LAMB4: variants seen among roughly 807,000 people sequenced by gnomAD.
LAMB4 encodes laminin subunit beta-4.
Under a neutral mutation model 199.2 loss-of-function variants are expected in LAMB4, and 196 were observed. The ratio of observed to expected loss-of-function variants is 0.98; its 90% CI spans 0.88 to 1.11. The LOEUF (loss-of-function observed/expected upper bound fraction) is 1.11. Ranked by LOEUF, LAMB4 falls within the 50% of genes least tolerant of loss-of-function variation. LAMB4 has a pLI of 0.00. For missense variants in LAMB4, 2,080 were observed against 2,171.2 expected (o/e 0.96, Z 0.83); for synonymous variants, 744 against 770.6 (o/e 0.97, Z 0.57).
At chr7:108,033,487 T>C (rs1033730685) in intron 31 of LAMB4, among the ~76,000 whole-genome samples, 5 of 152,186 alleles carry the variant, frequency 3.3e-5, no homozygotes, top group African/African-American at 1.2e-4. Flanking sequence ...CTCGGCTCAC[T>C]GCAACCTCCG....
intron 10 of LAMB4, among the ~76,000 whole-genome samples, chr7:108,100,797 A>G (rs2037788554): frequency 6.6e-6 from 1 of 152,222 alleles, no homozygotes; most frequent in South Asian, 2.1e-4. Flanking sequence ...ATGTGTGTGC[A>G]TGATTACAGA....
In LAMB4 at chr7:108,105,981, G is replaced by C. The variant is rs770175662; in HGVS notation, c.706C>G (p.Leu236Val). 6.2e-7 allele frequency: 1 copy of C among 1,614,216 alleles called. No individual in the cohort carries two copies. Among genetic ancestry groups the C allele is most frequent in the South Asian group, 1.1e-5 (1 of 91,084 alleles). Residue 236 changes from leucine to valine, a missense_variant, in exon 8 of 34, where the codon CTT becomes GTT. By Grantham distance (32) the Leu-to-Val change is conservative (BLOSUM62 1). Transcript: ENST00000388781. ...LRINFTKLHT[L>V]GDALLGRRQN... ...CTCCTTCCAAGCAAAGCATCCCCAA[G>C]GGTGTGGAGCTTGGTAAAGTTTATC... is the stretch of plus-strand genomic sequence containing the variant.
At chr7:108,092,214 A>T in intron 13 of LAMB4, 123 bp downstream of exon 13, 1 of 705,574 alleles carries the variant, frequency 1.4e-6, no homozygotes, top group Non-Finnish European at 2.5e-6. Context: ...GGCTGTAGTT[A>T]ATGTCTCAAG....
At chr7:108,089,108 T>C (rs531637791) in intron 14 of LAMB4, among the ~76,000 whole-genome samples, 2 of 152,298 alleles carry the variant, frequency 1.3e-5, no homozygotes, top group South Asian at 4.1e-4. Context: ...CTACACTTTT[T>C]TTTATAGCAG....
intron 30 of LAMB4, among the ~76,000 whole-genome samples, 176 bp downstream of exon 30, chr7:108,037,212 C>T (rs983203003): frequency 2.0e-5 from 3 of 152,076 alleles, no homozygotes; most frequent in Admixed American, 6.6e-5. Flanking sequence ...ACCCTGTCAC[C>T]GAGTCACTCA....
chr7:108,130,061 G>T (rs775502178), intron 1 of LAMB4, among the ~76,000 whole-genome samples: 7 of 152,132 alleles, frequency 4.6e-5, no homozygotes, highest in Non-Finnish European at 7.3e-5. Context: ...GTACAGTAAG[G>T]CTCAAGTTGT....
At chr7:108,101,979 C>T (rs1479134262) in intron 10 of LAMB4, among the ~76,000 whole-genome samples, 2 of 152,100 alleles carry the variant, frequency 1.3e-5, no homozygotes, top group Non-Finnish European at 2.9e-5. Context: ...GAAGCAGAGC[C>T]CCAGGAACTC....
chr7:108,045,471 A>G (rs1242161615), intron 28 of LAMB4, among the ~76,000 whole-genome samples: 2 of 152,174 alleles, frequency 1.3e-5, no homozygotes, highest in South Asian at 2.1e-4. Context: ...ATCCCCTCTC[A>G]TCGTTTTCCA....
chr7:108,053,323 A>ATGACACC (rs1474569986), intron 25 of LAMB4, among the ~76,000 whole-genome samples: 5 of 152,218 alleles, frequency 3.3e-5, no homozygotes, highest in Non-Finnish European at 7.3e-5. Flanking sequence ...ATTTATGCTC[A>ATGACACC]TGACACCTGG....
chr7:108,029,432 G>A lies in LAMB4; in HGVS notation c.4993-236C>T, dbSNP rs2034953327. On this transcript the variant is annotated intron_variant, in intron 32 of 33. Transcript: ENST00000388781. ...AACTTCTTTGTTCAAAATAGCAATTGTTATTGCATGTTAAGGCAACTATGT... is the reference window on the plus strand; with the variant it reads ...AACTTCTTTGTTCAAAATAGCAATTATTATTGCATGTTAAGGCAACTATGT... Among the ~76,000 whole-genome samples, 5 of 152,140 alleles carry A rather than the reference G, an allele frequency of 3.3e-5. No homozygotes were observed. In the South Asian group the frequency reaches 1.0e-3, roughly 31 times the overall value.
intron 8 of LAMB4, among the ~76,000 whole-genome samples, chr7:108,105,310 T>C (rs1166115165): frequency 2.0e-5 from 3 of 152,194 alleles, no homozygotes; most frequent in Admixed American, 6.5e-5. Context: ...GCTATTTGGA[T>C]TGAACATTTT....
intron 17 of LAMB4, among the ~76,000 whole-genome samples, chr7:108,075,358 G>A (rs1291087016): frequency 6.6e-6 from 1 of 152,102 alleles, no homozygotes; most frequent in Non-Finnish European, 1.5e-5. Flanking sequence ...GATTATGGTT[G>A]CCAGATGAAA....
At chr7:108,083,022 C>T (rs1442493026) in intron 14 of LAMB4, among the ~76,000 whole-genome samples, 1 of 152,176 alleles carries the variant, frequency 6.6e-6, no homozygotes, top group East Asian at 1.9e-4. Context: ...GCCTCTGGAA[C>T]ATGCTATGTA....
intron 18 of LAMB4, 105 bp downstream of exon 18, chr7:108,069,603 A>C: frequency 1.0e-6 from 1 of 980,434 alleles, no homozygotes; most frequent in Non-Finnish European, 1.6e-6. Context: ...AGTGATGGGT[A>C]TTTTGGTTGT....
intron 32 of LAMB4, 112 bp downstream of exon 32, chr7:108,030,694 G>A (rs2034995502): frequency 1.0e-6 from 1 of 978,476 alleles, no homozygotes. Flanking sequence ...ATTGAGTCAT[G>A]GACCAGCACA....
rs1269853028 is a variant in LAMB4, at chr7:108,034,400, T to C, written c.4680-54A>G. On this transcript the variant is annotated intron_variant, in intron 30 of 33. Coordinates refer to ENST00000388781, the MANE Select transcript of LAMB4 (RefSeq NM_007356.3). ...AGATAAATACACAATTATTCACTTA[T>C]TTCACCTTGAGAGAGTTCATTTGAC... 3 of 1,415,242 alleles carry C rather than the reference T, an allele frequency of 2.1e-6. No homozygotes were observed. The African/African-American group carries it at 4.2e-5, about 20-fold the overall frequency. 87.7% of individuals were successfully genotyped at this position (1,415,242 alleles called of 1,614,324 possible).
At chr7:108,095,420 A>G (rs2037560278) in intron 11 of LAMB4, 83 bp from the exon 12 acceptor site, 1 of 1,000,354 alleles carries the variant, frequency 1.0e-6, no homozygotes, top group Non-Finnish European at 1.5e-6. Context: ...ACAAAGCAAG[A>G]AGCATAACCG....
At chr7:108,071,295 C>T (rs1462607848) in intron 17 of LAMB4, among the ~76,000 whole-genome samples, 1 of 152,170 alleles carries the variant, frequency 6.6e-6, no homozygotes, top group Non-Finnish European at 1.5e-5. Context: ...TGCAATACTT[C>T]TCCCCTATCC....
chr7:108,077,948 T>C (rs1415646694), intron 16 of LAMB4, among the ~76,000 whole-genome samples: 2 of 152,208 alleles, frequency 1.3e-5, no homozygotes, highest in African/African-American at 4.8e-5. Flanking sequence ...GAGTTTTCAG[T>C]AAGTCTTTTA....
Sources: allele counts gnomAD v4.1 joint callset (sites outside exome capture counted in the v4.1 genomes callset), GRCh38; gene constraint gnomAD v4.1.1; transcripts MANE v1.5; gene names NCBI Gene and HGNC (gene_info 2026-07-23, HGNC 2026-07-21).